The following ADGRB3 variants were observed in gnomAD, a reference collection of about 807,000 sequenced individuals.
ADGRB3 encodes the protein brain-specific angiogenesis inhibitor 3.
Under a neutral mutation model 193.4 loss-of-function variants are expected in ADGRB3, and 37 were observed. The observed-to-expected ratio is 0.19, with a 90% CI of 0.15 to 0.25. ADGRB3 has a LOEUF of 0.25. Ranked by LOEUF, ADGRB3 falls within the 10% of genes least tolerant of loss-of-function variation. The pLI is 1.00. For missense variants in ADGRB3, 1,637 were observed against 1,852.9 expected, an observed-to-expected ratio of 0.88 and a Z score of 2.14; for synonymous variants, 690 against 644.2, an observed-to-expected ratio of 1.07 and a Z score of -1.08.
intron 11 of ADGRB3, among the ~76,000 whole-genome samples, chr6:69,001,757 A>G (rs1381264904): frequency 1.3e-5 from 2 of 152,292 alleles, no homozygotes; most frequent in Non-Finnish European, 2.9e-5. Context: ...GAATGCAAGG[A>G]CCAGTCTCTA....
chr6:68,943,958 A>G lies in ADGRB3; in HGVS notation c.1159A>G (p.Thr387Ala), dbSNP rs745461222. 1 of 1,613,788 alleles carries G rather than the reference A, an allele frequency of 6.2e-7. No individual in the cohort carries two copies. The highest frequency in any genetic ancestry group is 8.5e-7 in the Non-Finnish European group (1 of 1,179,738). Residue 387 changes from threonine to alanine, a missense_variant, in exon 6 of 32, where the codon ACA (threonine) becomes GCA (alanine). Around this residue, in one of 7 missense-constraint regions of ADGRB3, gnomAD observed 641 missense variants for 673.9 expected, o/e 0.95. Coordinates refer to ENST00000370598, the MANE Select transcript of ADGRB3 (RefSeq NM_001704.3). ...AGGAAGGCCGTGTGAAGGACCTGAA[A>G]CACATCATAAGCCTTGTAATATTGC... ...YGGRPCEGPE[T>A]HHKPCNIALC...
chr6:68,706,832 C>T (rs991523560), intron 3 of ADGRB3, among the ~76,000 whole-genome samples: 3 of 152,114 alleles, frequency 2.0e-5, no homozygotes, highest in Non-Finnish European at 2.9e-5. Flanking sequence ...TTGATGGAGG[C>T]TGGGCGTGGT....
At chr6:68,759,459 A>G (rs774385797) in intron 3 of ADGRB3, among the ~76,000 whole-genome samples, 4 of 152,058 alleles carry the variant, frequency 2.6e-5, no homozygotes, top group African/African-American at 4.8e-5. Context: ...CACTAATTAT[A>G]TCTGTTAATT....
intron 20 of ADGRB3, among the ~76,000 whole-genome samples, chr6:69,296,191 G>A (rs1277239999): frequency 6.6e-6 from 1 of 152,118 alleles, no homozygotes; most frequent in East Asian, 1.9e-4. Flanking sequence ...TATCCAAAGT[G>A]AGATAGGCTT....
chr6:69,378,593 T>G (rs1334995212), intron 30 of ADGRB3, among the ~76,000 whole-genome samples: 1 of 152,006 alleles, frequency 6.6e-6, no homozygotes, highest in Non-Finnish European at 1.5e-5. Flanking sequence ...ATGATAAGTG[T>G]TTTATATCCT....
intron 3 of ADGRB3, among the ~76,000 whole-genome samples, chr6:68,870,530 T>C (rs1281015895): frequency 6.6e-6 from 1 of 152,196 alleles, no homozygotes; most frequent in Non-Finnish European, 1.5e-5. Context: ...CCTCATAGCA[T>C]CCAAAGACAT....
At chr6:69,254,137 A>G (rs1015547366) in intron 20 of ADGRB3, among the ~76,000 whole-genome samples, 7 of 152,182 alleles carry the variant, frequency 4.6e-5, no homozygotes, top group African/African-American at 1.7e-4. Flanking sequence ...AATGAGAGCA[A>G]GTTTTAAAAG....
intron 6 of ADGRB3, among the ~76,000 whole-genome samples, chr6:68,945,050 A>C (rs1767739211): frequency 6.6e-6 from 1 of 152,132 alleles, no homozygotes; most frequent in African/African-American, 2.4e-5. Flanking sequence ...CTGAACTATG[A>C]AGCAATGCTT....
chr6:68,894,818 G>T (rs1021793538), intron 3 of ADGRB3, among the ~76,000 whole-genome samples: 5 of 151,856 alleles, frequency 3.3e-5, no homozygotes, highest in Admixed American at 6.6e-5. Context: ...ATACAAGCTT[G>T]ATTTGTTACT....
chr6:68,947,234 G>A (rs1171353821), intron 6 of ADGRB3, among the ~76,000 whole-genome samples: 1 of 151,952 alleles, frequency 6.6e-6, no homozygotes, highest in Non-Finnish European at 1.5e-5. Context: ...GTGCATGTTT[G>A]TGTGTGTATG....
At chr6:68,842,930 A>G (rs1171093719) in intron 3 of ADGRB3, among the ~76,000 whole-genome samples, 1 of 152,046 alleles carries the variant, frequency 6.6e-6, no homozygotes, top group African/African-American at 2.4e-5. Context: ...CTATATGATC[A>G]TTTCAATCGA....
At chr6:68,788,713 A>C (rs1414755864) in intron 3 of ADGRB3, among the ~76,000 whole-genome samples, 1 of 152,078 alleles carries the variant, frequency 6.6e-6, no homozygotes, top group Non-Finnish European at 1.5e-5. Context: ...TATCCTTGTT[A>C]ACTTTCTGTC....
At chr6:68,928,469 A>G (rs555806336) in intron 3 of ADGRB3, among the ~76,000 whole-genome samples, 13 of 152,270 alleles carry the variant, frequency 8.5e-5, no homozygotes, top group Admixed American at 2.0e-4. Flanking sequence ...CAGGCGTTCA[A>G]GTTTACAGTG....
chr6:68,792,820 C>T (rs1582206483), intron 3 of ADGRB3, among the ~76,000 whole-genome samples: 1 of 152,142 alleles, frequency 6.6e-6, no homozygotes, highest in African/African-American at 2.4e-5. Flanking sequence ...AACTCTTATA[C>T]TTCAGATACT....
chr6:68,976,851 C>G (rs944595988), intron 10 of ADGRB3, among the ~76,000 whole-genome samples: 5 of 151,756 alleles, frequency 3.3e-5, no homozygotes, highest in Admixed American at 3.3e-4. Context: ...TGTTCAAGGG[C>G]CATTGCTACA....
intron 3 of ADGRB3, among the ~76,000 whole-genome samples, chr6:68,729,752 T>C (rs751940699): frequency 1.3e-5 from 2 of 151,648 alleles, no homozygotes; most frequent in Non-Finnish European, 3.0e-5. Flanking sequence ...AGTGCTGTGC[T>C]GAGGGAAGCA....
At chr6:69,232,766 C>A (rs994030330) in intron 17 of ADGRB3, 2 of 720,856 alleles carry the variant, frequency 2.8e-6, no homozygotes. Flanking sequence ...AAATCCCTAA[C>A]CAGCAGCAGA....
intron 3 of ADGRB3, among the ~76,000 whole-genome samples, chr6:68,899,393 A>G (rs1766329864): frequency 6.8e-6 from 1 of 148,030 alleles, no homozygotes; most frequent in South Asian, 2.3e-4. Flanking sequence ...TGCACCCACT[A>G]ACTCATCATC....
chr6:68,637,261 T>C (rs1767980818), intron 1 of ADGRB3, 130 bp from the exon 2 acceptor site: 1 of 152,456 alleles, frequency 6.6e-6, no homozygotes, highest in African/African-American at 2.4e-5. Flanking sequence ...CTGGATTTGG[T>C]GTGCATGCGT....
Sources: gnomAD v4.1 joint callset for allele counts (sites outside exome capture counted in the v4.1 genomes callset) on GRCh38, gnomAD v4.1.1 for gene constraint, gnomAD v4.1.1 regional missense constraint, MANE v1.5 for transcripts, NCBI Gene and HGNC (gene_info 2026-07-23, HGNC 2026-07-21) for gene names.